The following LRP1B variants were observed in gnomAD, a reference collection of about 807,000 sequenced individuals.
LRP1B encodes the protein low-density lipoprotein receptor-related protein 1B.
LRP1B carries 217 observed loss-of-function variants against 556.6 expected under a neutral mutation model. The ratio of observed to expected loss-of-function variants is 0.39; its 90% CI spans 0.35 to 0.44. The LOEUF is 0.44. Among genes scored for constraint, LRP1B ranks in the 20% least tolerant of loss-of-function variants. The pLI is 1.00. For synonymous variants in LRP1B, 2,047 were observed against 1,865.8 expected, an observed-to-expected ratio of 1.10 and a Z score of -2.50; for missense variants, 5,053 against 5,620.8, an observed-to-expected ratio of 0.90 and a Z score of 3.23.
Position 140,728,679 on chromosome 2 carries a change from A to T in LRP1B, c.5759-11863T>A, listed in dbSNP as rs193089005. The stretch of plus-strand genomic sequence containing the variant: ...AGGCCTTCCCAACAAATATGTTTGA[A>T]TTTTTTTCCATCATCATCCCTGGTG... On this transcript the variant is annotated intron_variant, in intron 35 of 90. Transcript: ENST00000389484. 4.1e-3 allele frequency among the ~76,000 whole-genome samples: 624 copies of T among 152,224 alleles called. 4 individuals are homozygous for T. Among genetic ancestry groups the T allele is most frequent in the Middle Eastern group, 0.024 (7 of 294 alleles).
chr2:140,279,825 A>G (rs533867306), intron 84 of LRP1B, among the ~76,000 whole-genome samples: 12 of 152,034 alleles, frequency 7.9e-5, no homozygotes, highest in African/African-American at 2.9e-4. Context: ...TTTTTATACC[A>G]CAGCACTAAA....
At chr2:141,575,698 C>T (rs1686714202) in intron 2 of LRP1B, among the ~76,000 whole-genome samples, 1 of 151,128 alleles carries the variant, frequency 6.6e-6, no homozygotes, top group Admixed American at 6.6e-5. Context: ...TTGCAATCTA[C>T]TGATCTAAGG....
intron 20 of LRP1B, among the ~76,000 whole-genome samples, chr2:140,946,712 A>C (rs1273879528): frequency 6.6e-6 from 1 of 152,162 alleles, no homozygotes; most frequent in Non-Finnish European, 1.5e-5. Flanking sequence ...TTCTACCAAA[A>C]AGACACCCAT....
chr2:141,208,876 C>CAAA lies in LRP1B; in HGVS notation c.851-20296_851-20294dup, dbSNP rs57659094. Among the ~76,000 whole-genome samples, 61 of 65,478 alleles carry CAAA rather than the reference C, an allele frequency of 9.3e-4. 2 individuals are homozygous for CAAA. The highest frequency in any genetic ancestry group is 1.3e-3 in the East Asian group (2 of 1,548). 43.0% of individuals were successfully genotyped at this position (65,478 alleles called of 152,430 possible). A position where few individuals can be genotyped will look rare whatever the true frequency, so the allele number is the denominator to read the frequency against. On this transcript the variant is annotated intron_variant, in intron 6 of 90. Coordinates refer to ENST00000389484, the MANE Select transcript of LRP1B (RefSeq NM_018557.3). ...AAAGCGAGATTCTGAGATTCCGTCT[C>CAAA]AAAAAAAAAAAAAAAAAAAAAAAAA...
chr2:141,105,822 C>A (rs1700590106), intron 7 of LRP1B, among the ~76,000 whole-genome samples: 1 of 151,934 alleles, frequency 6.6e-6, no homozygotes, highest in Admixed American at 6.6e-5. Context: ...TTTTTTTGGT[C>A]ATATGATAGC....
chr2:140,615,685 G>A (rs1172200054), intron 41 of LRP1B, among the ~76,000 whole-genome samples: 1 of 151,986 alleles, frequency 6.6e-6, no homozygotes, highest in East Asian at 1.9e-4. Flanking sequence ...GTATCACAAT[G>A]CTGTTTGTCA....
intron 43 of LRP1B, among the ~76,000 whole-genome samples, chr2:140,577,351 T>C (rs1234822121): frequency 6.6e-6 from 1 of 151,556 alleles, no homozygotes; most frequent in Non-Finnish European, 1.5e-5. Flanking sequence ...GGCCTGGTGG[T>C]GCGCACCTGT....
At chr2:141,023,743 T>C (rs1698135817) in intron 11 of LRP1B, among the ~76,000 whole-genome samples, 1 of 151,978 alleles carries the variant, frequency 6.6e-6, no homozygotes, top group Non-Finnish European at 1.5e-5. Context: ...GATCCATAGA[T>C]CTTGATGCTT....
At chr2:141,166,592 A>G (rs571075573) in intron 7 of LRP1B, among the ~76,000 whole-genome samples, 13 of 151,808 alleles carry the variant, frequency 8.6e-5, no homozygotes, top group African/African-American at 3.1e-4. Flanking sequence ...GTTGACTGTA[A>G]TCACCCTGGT....
rs1687823764 is a variant in LRP1B, at chr2:141,603,590, C to T, written c.206-123057G>A. Among the ~76,000 whole-genome samples the T allele has an allele frequency of 3.3e-5, 5 of 152,126 alleles. No individual in the cohort carries two copies. The South Asian group carries it at 8.3e-4, about 25-fold the overall frequency. On this transcript the variant is annotated intron_variant, in intron 2 of 90. Transcript: ENST00000389484. ...TTTACAGGACTGATATATTTAGTAG[C>T]TAATATATAAATGTTGCAATATCAT...
At chr2:140,312,122 C>A (rs1277017635) in intron 83 of LRP1B, among the ~76,000 whole-genome samples, 2 of 151,936 alleles carry the variant, frequency 1.3e-5, no homozygotes, top group Non-Finnish European at 2.9e-5. Flanking sequence ...GAGAGAGCTA[C>A]AATGACAGCT....
intron 3 of LRP1B, among the ~76,000 whole-genome samples, chr2:141,376,784 A>T (rs911905464): frequency 4.6e-5 from 7 of 152,196 alleles, no homozygotes; most frequent in African/African-American, 1.7e-4. Context: ...TCATGTTAGT[A>T]ATATTAAATT....
intron 85 of LRP1B, among the ~76,000 whole-genome samples, chr2:140,273,867 G>A (rs1259817413): frequency 2.6e-5 from 4 of 151,984 alleles, no homozygotes; most frequent in Admixed American, 2.6e-4. Context: ...AAAAGGCAGT[G>A]CAATGAAAGT....
At chr2:140,880,710 G>A (rs1448591889) in intron 25 of LRP1B, among the ~76,000 whole-genome samples, 2 of 152,128 alleles carry the variant, frequency 1.3e-5, no homozygotes, top group African/African-American at 2.4e-5. Context: ...TCTCAGCTGT[G>A]TTAAGGGAGA....
At chr2:141,083,823 C>T (rs1393379735) in intron 7 of LRP1B, among the ~76,000 whole-genome samples, 1 of 152,176 alleles carries the variant, frequency 6.6e-6, no homozygotes, top group Non-Finnish European at 1.5e-5. Context: ...AGAGGGCCCT[C>T]ACCAGATTCA....
intron 41 of LRP1B, among the ~76,000 whole-genome samples, chr2:140,642,180 T>G (rs896254600): frequency 7.2e-5 from 11 of 152,154 alleles, no homozygotes; most frequent in Non-Finnish European, 1.0e-4. Flanking sequence ...AGTGCCAAAT[T>G]GCCAGTGCCA....
At chr2:141,818,531 CTTTTTTTTTTTTT>C (rs70994453) in intron 1 of LRP1B, among the ~76,000 whole-genome samples, 8 of 82,070 alleles carry the variant, frequency 9.7e-5, no homozygotes, top group South Asian at 5.5e-4. Context: ...ATTTCTGTAT[CTTTTTTTTTTTTT>C]TTTTTTTTTT....
intron 41 of LRP1B, among the ~76,000 whole-genome samples, chr2:140,637,494 CAT>C (rs1310677441): frequency 1.3e-5 from 2 of 152,198 alleles, no homozygotes; most frequent in African/African-American, 2.4e-5. Flanking sequence ...TAGAAGGTGA[CAT>C]AAGCTGTTAA....
At chr2:141,210,805 T>C (rs928812895) in intron 6 of LRP1B, among the ~76,000 whole-genome samples, 1 of 152,120 alleles carries the variant, frequency 6.6e-6, no homozygotes, top group Non-Finnish European at 1.5e-5. Flanking sequence ...AACAAGTGCA[T>C]AGAATAAACA....
Sources: allele counts gnomAD v4.1 joint callset (sites outside exome capture counted in the v4.1 genomes callset), GRCh38; gene constraint gnomAD v4.1.1; transcripts MANE v1.5; gene names NCBI Gene and HGNC (gene_info 2026-07-23, HGNC 2026-07-21).